TCERG1L: variants seen among roughly 807,000 people sequenced by gnomAD.
TCERG1L encodes transcription elongation regulator 1-like protein.
A neutral mutation model predicts 56.3 loss-of-function variants in TCERG1L; 37 were observed. The ratio of observed to expected loss-of-function variants is 0.66; its 90% CI spans 0.51 to 0.87. The LOEUF (loss-of-function observed/expected upper bound fraction) is 0.87, where lower values mean the gene tolerates loss of function less well. Ranked by LOEUF, TCERG1L falls within the 40% of genes least tolerant of loss-of-function variation. TCERG1L has a pLI of 0.00. For missense variants in TCERG1L, 799 were observed against 774.2 expected, an observed-to-expected ratio of 1.03 and a Z score of -0.38; for synonymous variants, 324 against 326.3, an observed-to-expected ratio of 0.99 and a Z score of 0.08.
intron 8 of TCERG1L, among the ~76,000 whole-genome samples, chr10:131,123,993 C>G (rs1845539970): frequency 6.6e-6 from 1 of 152,170 alleles, no homozygotes; most frequent in Admixed American, 6.5e-5. Flanking sequence ...GATGCCTGAC[C>G]AGGTAAAGCC....
intron 3 of TCERG1L, among the ~76,000 whole-genome samples, chr10:131,282,341 T>C (rs1260081210): frequency 1.3e-5 from 2 of 152,148 alleles, no homozygotes; most frequent in South Asian, 4.1e-4. Flanking sequence ...GTGACATGAA[T>C]GGTGTTTTAG....
At chr10:131,255,859 C>T (rs939761697) in intron 4 of TCERG1L, among the ~76,000 whole-genome samples, 1 of 152,218 alleles carries the variant, frequency 6.6e-6, no homozygotes, top group Non-Finnish European at 1.5e-5. Flanking sequence ...GGAAAGTCTG[C>T]ACCTTATACA....
chr10:131,227,317 G>C (rs1845800695), intron 4 of TCERG1L, among the ~76,000 whole-genome samples: 1 of 152,220 alleles, frequency 6.6e-6, no homozygotes, highest in Admixed American at 6.5e-5. Flanking sequence ...CCAAAGCTGG[G>C]CTCGGAGCTG....
intron 4 of TCERG1L, among the ~76,000 whole-genome samples, chr10:131,215,628 G>T (rs1845662626): frequency 6.6e-6 from 1 of 152,162 alleles, no homozygotes; most frequent in Non-Finnish European, 1.5e-5. Flanking sequence ...AGGATGCCTG[G>T]TCCAGCCCAT....
intron 8 of TCERG1L, among the ~76,000 whole-genome samples, chr10:131,121,046 A>G (rs953093563): frequency 6.6e-6 from 1 of 152,246 alleles, no homozygotes; most frequent in Non-Finnish European, 1.5e-5. Flanking sequence ...TGTCAGTGCC[A>G]GAGGGGCTTC....
chr10:131,200,166 C>T (rs1288079754), intron 4 of TCERG1L, among the ~76,000 whole-genome samples: 1 of 152,224 alleles, frequency 6.6e-6, no homozygotes, highest in Non-Finnish European at 1.5e-5. Flanking sequence ...ATTCCTGGTT[C>T]TAAAGCTGCA....
chr10:131,098,553 G>A, intron 10 of TCERG1L, 129 bp from the exon 11 acceptor site: 1 of 1,190,552 alleles, frequency 8.4e-7, no homozygotes, highest in Admixed American at 2.7e-5. Context: ...ACAGCTGCTG[G>A]AGTTATGAGC....
intron 4 of TCERG1L, among the ~76,000 whole-genome samples, chr10:131,223,962 C>G (rs1412295773): frequency 6.6e-6 from 1 of 152,010 alleles, no homozygotes; most frequent in African/African-American, 2.4e-5. Flanking sequence ...CCTCCCACTT[C>G]TCTCTCTTCA....
intron 4 of TCERG1L, among the ~76,000 whole-genome samples, chr10:131,249,370 C>G (rs986595753): frequency 2.6e-5 from 4 of 152,138 alleles, no homozygotes; most frequent in Non-Finnish European, 4.4e-5. Flanking sequence ...TGGCTCCACC[C>G]GGGTCCCCAG....
At position 131,165,223 on chromosome 10, in the gene TCERG1L, C is replaced by T. The variant is rs539991131; in HGVS notation, c.945+1574G>A. Among the ~76,000 whole-genome samples, 36 of 152,146 alleles carry T rather than the reference C, an allele frequency of 2.4e-4. 1 individual carries two copies. The highest frequency in any genetic ancestry group is 7.7e-4 in the African/African-American group (32 of 41,506). On this transcript the variant is annotated intron_variant, in intron 5 of 11. Transcript: ENST00000368642. Reference sequence around the variant, plus strand: ...GTGGCCCATGTTGAGAGATGCCAGCCCAGAGGGAAGGACAAGAAACACAGA... The same window carrying T: ...GTGGCCCATGTTGAGAGATGCCAGCTCAGAGGGAAGGACAAGAAACACAGA...
intron 6 of TCERG1L, among the ~76,000 whole-genome samples, chr10:131,152,042 T>C (rs1324350454): frequency 6.6e-6 from 1 of 152,166 alleles, no homozygotes; most frequent in Non-Finnish European, 1.5e-5. Context: ...CTCCTAGCCC[T>C]CCAGGCCTGT....
chr10:131,269,133 CA>C (rs1846312695), intron 3 of TCERG1L, among the ~76,000 whole-genome samples: 1 of 152,168 alleles, frequency 6.6e-6, no homozygotes, highest in Non-Finnish European at 1.5e-5. Context: ...CTCTTCTTTT[CA>C]TTTGAAAATG....
chr10:131,182,895 T>C (rs527668209), intron 4 of TCERG1L, among the ~76,000 whole-genome samples: 3 of 152,266 alleles, frequency 2.0e-5, no homozygotes, highest in Non-Finnish European at 4.4e-5. Context: ...AGTCATTTGA[T>C]ACAAATGGCT....
chr10:131,270,601 T>C (rs1043291706), intron 3 of TCERG1L, among the ~76,000 whole-genome samples: 2 of 152,244 alleles, frequency 1.3e-5, no homozygotes, highest in Non-Finnish European at 2.9e-5. Context: ...AAAACCCACA[T>C]GTGCTTGATG....
Position 131,109,282 on chromosome 10 carries a change from C to T in TCERG1L, c.1396-4928G>A, listed in dbSNP as rs574322976. 1.8e-4 allele frequency among the ~76,000 whole-genome samples: 28 copies of T among 152,306 alleles called. No homozygotes were observed. The South Asian group carries it at 5.2e-3, about 28-fold the overall frequency. On this transcript the variant is annotated intron_variant, in intron 9 of 11. Transcript: ENST00000368642. The stretch of plus-strand genomic sequence containing the variant: ...CTTTCCTGCAGAAGTTTGTGATCCA[C>T]CCCCTTCCTCACCCCGCTGTACATC...
chr10:131,159,147 T>C (rs967971673), intron 6 of TCERG1L, among the ~76,000 whole-genome samples: 41 of 152,206 alleles, frequency 2.7e-4, no homozygotes, highest in African/African-American at 9.4e-4. Context: ...AGGGGCAGTG[T>C]GCCCTGGGGA....
At chr10:131,203,582 T>G (rs1279441538) in intron 4 of TCERG1L, among the ~76,000 whole-genome samples, 1 of 152,124 alleles carries the variant, frequency 6.6e-6, no homozygotes, top group Admixed American at 6.5e-5. Flanking sequence ...AGATGGTGCG[T>G]CTCTCCCATG....
intron 9 of TCERG1L, among the ~76,000 whole-genome samples, chr10:131,108,533 C>T (rs184014460): frequency 5.9e-5 from 9 of 152,138 alleles, no homozygotes; most frequent in South Asian, 2.1e-4. Context: ...TTGCTGTGTG[C>T]GTGGGTGTTC....
chr10:131,245,394 T>C (rs1156832373), intron 4 of TCERG1L, among the ~76,000 whole-genome samples: 2 of 145,588 alleles, frequency 1.4e-5, no homozygotes, highest in Non-Finnish European at 3.0e-5. Flanking sequence ...AGCTTGTTAA[T>C]TGGTTTAAAA....
Sources: allele counts gnomAD v4.1 joint callset (sites outside exome capture counted in the v4.1 genomes callset), GRCh38; gene constraint gnomAD v4.1.1; transcripts MANE v1.5; gene names NCBI Gene and HGNC (gene_info 2026-07-23, HGNC 2026-07-21).